FAM149A: variants seen among roughly 807,000 people sequenced by gnomAD.
The protein encoded by FAM149A is family with sequence similarity 149 member A.
In FAM149A, 71 loss-of-function variants were observed where a neutral mutation model predicts 78.2. That is an observed-to-expected ratio of 0.91 (90% CI 0.75 to 1.11). The LOEUF (loss-of-function observed/expected upper bound fraction) is 1.11. Among genes scored for constraint, FAM149A ranks in the 50% least tolerant of loss-of-function variants. The probability of loss-of-function intolerance (pLI) is 0.00; values close to 1 mark genes in which losing one functional copy is unlikely to be tolerated. For synonymous variants in FAM149A, 446 were observed against 410.5 expected (o/e 1.09, Z -1.04); for missense variants, 1,036 against 971.0 (o/e 1.07, Z -0.89).
chr4:186,109,880 A>G, intron 1 of FAM149A: 1 of 985,390 alleles, frequency 1.0e-6, no homozygotes, highest in South Asian at 4.7e-5. Flanking sequence ...CCTTCCCTGC[A>G]TGACTTACAG....
chr4:186,121,589 T>C, intron 1 of FAM149A, among the ~76,000 whole-genome samples: 1 of 152,214 alleles, frequency 6.6e-6, no homozygotes, highest in East Asian at 1.9e-4. Flanking sequence ...ATTGAGAAGA[T>C]CATGGGATCC....
In FAM149A at chr4:186,162,918, G is replaced by A. The variant is rs374453509; in HGVS notation, c.1649G>A (p.Arg550Gln). 9 of 1,610,382 alleles carry A rather than the reference G, an allele frequency of 5.6e-6. No homozygotes were observed. The highest frequency in any genetic ancestry group is 4.5e-5 in the East Asian group (2 of 44,724). Reference sequence around the variant, plus strand: ...ACAATTCAAGCAAAACCGCTTCAGCGGAGACCTGCCTATTTTGCTGACAGA... The same window carrying A: ...ACAATTCAAGCAAAACCGCTTCAGCAGAGACCTGCCTATTTTGCTGACAGA... Residue 550 changes from arginine to glutamine, a missense_variant, in exon 9 of 14, where the codon CGG becomes CAG. Physicochemically the swap from Arg to Gln is conservative, Grantham distance 43. Transcript: ENST00000389354.
chr4:186,121,945 C>T (rs1050112590), intron 1 of FAM149A, among the ~76,000 whole-genome samples: 4 of 152,116 alleles, frequency 2.6e-5, no homozygotes, highest in South Asian at 2.1e-4. Context: ...TTAACTGTGC[C>T]GACCAACCCA....
chr4:186,125,363 C>T (rs769430894), intron 1 of FAM149A: 42 of 981,856 alleles, frequency 4.3e-5, no homozygotes, highest in Non-Finnish European at 5.0e-5. Flanking sequence ...ACATCCCCTG[C>T]GGAGGTCTCT....
At chr4:186,146,398 C>G (rs1439720789) in intron 1 of FAM149A, 1 of 930,954 alleles carries the variant, frequency 1.1e-6, no homozygotes, top group Non-Finnish European at 1.3e-6. Flanking sequence ...ATCCCAAGAC[C>G]TCCTGGGCTC....
intron 1 of FAM149A, among the ~76,000 whole-genome samples, chr4:186,120,397 A>G (rs1030313833): frequency 6.6e-6 from 1 of 152,212 alleles, no homozygotes; most frequent in Admixed American, 6.5e-5. Flanking sequence ...ATGAATTAAG[A>G]TAGTAATGAG....
At chr4:186,133,311 T>A in intron 1 of FAM149A, 1 of 579,402 alleles carries the variant, frequency 1.7e-6, no homozygotes, top group Non-Finnish European at 2.2e-6. Context: ...CCAGAAGTTT[T>A]TCATCATCTC....
intron 1 of FAM149A, among the ~76,000 whole-genome samples, chr4:186,134,553 G>A (rs1257705868): frequency 6.6e-6 from 1 of 152,168 alleles, no homozygotes; most frequent in Non-Finnish European, 1.5e-5. Flanking sequence ...GAACCTCTGT[G>A]CTCTCCCAAA....
chr4:186,158,059 C>A (rs992175673), intron 8 of FAM149A: 23 of 1,377,276 alleles, frequency 1.7e-5, no homozygotes, highest in Non-Finnish European at 2.1e-5. Context: ...TCTGAAGGGA[C>A]CTGGGAGAAG....
chr4:186,108,425 AC>A (rs56282251), intron 1 of FAM149A, among the ~76,000 whole-genome samples: 23,269 of 150,304 alleles, frequency 0.15, 2,131 homozygotes, highest in Non-Finnish European at 0.2. Flanking sequence ...AAAAAAAAAA[AC>A]AAAAAACTAA....
chr4:186,145,075 G>T, intron 1 of FAM149A: 2 of 985,292 alleles, frequency 2.0e-6, no homozygotes, highest in Non-Finnish European at 2.4e-6. Flanking sequence ...GCCTGGCGCG[G>T]GGGCTGCGAG....
chr4:186,158,359 G>A (rs187476881), intron 8 of FAM149A: 6 of 1,200,544 alleles, frequency 5.0e-6, no homozygotes, highest in Admixed American at 6.8e-5. Context: ...TGTGGAAGTC[G>A]CCATCCCGTG....
rs70964917 is a variant in FAM149A at position 186,136,976 on chromosome 4, T to TTC, written c.567-12155_567-12154dup. Among the ~76,000 whole-genome samples the TTC allele has an allele frequency of 5.2e-3, 373 of 72,036 alleles. 2 individuals carry two copies. Among genetic ancestry groups the TTC allele is most frequent in the Non-Finnish European group, 7.1e-3 (279 of 39,112 alleles). 47.3% of individuals were successfully genotyped at this position (72,036 alleles called of 152,430 possible). A position where few individuals can be genotyped will look rare whatever the true frequency, so the allele number is the denominator to read the frequency against. ...TCTCTCTCTCTCTTTCTCTCTCTCT[T>TTC]TCTCTCTCTCTCTCTCTCTCTCTCT... On this transcript the variant is annotated intron_variant, in intron 1 of 13. Coordinates refer to ENST00000389354, the MANE Select transcript of FAM149A (RefSeq NM_001367768.3).
At position 186,165,374 on chromosome 4, in the gene FAM149A, A is replaced by G; in HGVS notation, c.1920A>G (p.Pro640=). Residue 640 remains proline (P), a synonymous_variant, in exon 11 of 14, where the codon CCA becomes CCG. Coordinates refer to ENST00000389354, the MANE Select transcript of FAM149A (RefSeq NM_001367768.3). The stretch of plus-strand genomic sequence containing the variant: ...CTGGCGTGGACCACATGGCTTCCCC[A>G]CTGGTTCAAACGTCACGGAGCAGGT... 1.2e-6 allele frequency: 2 copies of G among 1,614,154 alleles called. No homozygotes were observed. Among genetic ancestry groups the G allele is most frequent in the Non-Finnish European group, 1.7e-6 (2 of 1,180,020 alleles).
rs1734950670 is a variant in FAM149A, at chr4:186,165,383, A to G, written c.1929A>G (p.Gln643=). The G allele has an allele frequency of 3.7e-6, 6 of 1,614,052 alleles. No individual in the cohort carries two copies. Among genetic ancestry groups the G allele is most frequent in the African/African-American group, 1.3e-5 (1 of 74,938 alleles). Residue 643 remains glutamine, a synonymous_variant, in exon 11 of 14, where the codon CAA becomes CAG. Coordinates refer to ENST00000389354, the MANE Select transcript of FAM149A (RefSeq NM_001367768.3). ...ACCACATGGCTTCCCCACTGGTTCA[A>G]ACGTCACGGAGCAGGTTCCCCCCGC...
At chr4:186,129,611 C>T (rs1240167345) in intron 1 of FAM149A, among the ~76,000 whole-genome samples, 1 of 152,176 alleles carries the variant, frequency 6.6e-6, no homozygotes, top group East Asian at 1.9e-4. Context: ...GCAAATAGAG[C>T]AGCACCGGGG....
At chr4:186,120,014 C>T (rs955303594) in intron 1 of FAM149A, among the ~76,000 whole-genome samples, 1 of 152,146 alleles carries the variant, frequency 6.6e-6, no homozygotes, top group Non-Finnish European at 1.5e-5. Context: ...GATAAATTCC[C>T]AAGGGAAGGT....
intron 1 of FAM149A, among the ~76,000 whole-genome samples, chr4:186,106,544 C>T (rs1210269896): frequency 1.3e-5 from 2 of 152,092 alleles, no homozygotes; most frequent in Admixed American, 6.6e-5. Context: ...TGAGGCCATT[C>T]CCTACTCCCT....
intron 1 of FAM149A, chr4:186,125,927 C>G: frequency 1.0e-6 from 1 of 985,314 alleles, no homozygotes; most frequent in South Asian, 4.7e-5. Flanking sequence ...CTCGCACTGG[C>G]AAGAGCGCGA....
Sources: gnomAD v4.1 joint callset for allele counts (sites outside exome capture counted in the v4.1 genomes callset) on GRCh38, gnomAD v4.1.1 for gene constraint, MANE v1.5 for transcripts, NCBI Gene and HGNC (gene_info 2026-07-23, HGNC 2026-07-21) for gene names.